ABCG2: variants seen among roughly 807,000 people sequenced by gnomAD.
ABCG2 encodes the protein broad substrate specificity ATP-binding cassette transporter ABCG2.
In ABCG2, 80 loss-of-function variants were observed where a neutral mutation model predicts 73.5. The ratio of observed to expected loss-of-function variants is 1.09; its 90% CI spans 0.91 to 1.31. The LOEUF is 1.31. Among genes scored for constraint, ABCG2 ranks in the 50% most tolerant of loss-of-function variants. ABCG2 has a pLI of 0.00. For synonymous variants in ABCG2, 269 were observed against 282.4 expected, an observed-to-expected ratio of 0.95 and a Z score of 0.48; for missense variants, 796 against 786.2, an observed-to-expected ratio of 1.01 and a Z score of -0.15.
At chr4:88,182,883 A>G (rs1348599900) in intron 1 of ABCG2, among the ~76,000 whole-genome samples, 2 of 152,014 alleles carry the variant, frequency 1.3e-5, no homozygotes, top group Admixed American at 6.6e-5. Flanking sequence ...CAGGAGATTG[A>G]GATCATCCTG....
intron 5 of ABCG2, 105 bp from the exon 6 acceptor site, chr4:88,121,897 T>TG: frequency 8.9e-7 from 1 of 1,128,664 alleles, no homozygotes; most frequent in Non-Finnish European, 1.3e-6. Flanking sequence ...TCTCATTAAG[T>TG]TCATTTATTC....
chr4:88,212,376 T>C (rs1046760105), intron 1 of ABCG2, among the ~76,000 whole-genome samples: 46 of 152,152 alleles, frequency 3.0e-4, no homozygotes, highest in African/African-American at 1.1e-3. Context: ...TTGTAGCCCC[T>C]GGTACTGTCA....
intron 13 of ABCG2, 108 bp downstream of exon 13, chr4:88,097,345 C>T (rs1722052962): frequency 7.9e-7 from 1 of 1,260,202 alleles, no homozygotes; most frequent in East Asian, 2.5e-5. Context: ...TAAAGCAGAG[C>T]CCCATTTACA....
At chr4:88,217,387 G>A (rs1305521052) in intron 1 of ABCG2, among the ~76,000 whole-genome samples, 6 of 152,098 alleles carry the variant, frequency 3.9e-5, no homozygotes, top group Non-Finnish European at 7.4e-5. Flanking sequence ...GAGGCCAGGC[G>A]CGGTGGCTCA....
intron 1 of ABCG2, among the ~76,000 whole-genome samples, chr4:88,166,165 T>C (rs113161763): frequency 9.3e-4 from 142 of 152,298 alleles, no homozygotes; most frequent in African/African-American, 3.2e-3. Context: ...CTTATTTGAC[T>C]AAAGCCAGAG....
chr4:88,140,238 C>T (rs951173834), intron 1 of ABCG2, among the ~76,000 whole-genome samples: 1 of 152,082 alleles, frequency 6.6e-6, no homozygotes, highest in Admixed American at 6.6e-5. Flanking sequence ...TCAAATACAT[C>T]CCTAATAAGT....
At chr4:88,132,447 C>T in intron 3 of ABCG2, 129 bp downstream of exon 3, 1 of 918,360 alleles carries the variant, frequency 1.1e-6, no homozygotes, top group Non-Finnish European at 1.7e-6. Flanking sequence ...TTATCCACAG[C>T]ACCTAGAACC....
chr4:88,106,511 C>T (rs1245878365), intron 10 of ABCG2, among the ~76,000 whole-genome samples: 1 of 152,122 alleles, frequency 6.6e-6, no homozygotes, highest in East Asian at 1.9e-4. Context: ...GAGTCAGTTA[C>T]CAAAGAATAT....
intron 14 of ABCG2, 67 bp downstream of exon 14, chr4:88,095,453 A>AGGACAC: frequency 7.2e-7 from 1 of 1,384,308 alleles, no homozygotes. Context: ...AAATGAGATG[A>AGGACAC]GGACACTTGA....
chr4:88,196,815 C>A (rs150083533), intron 1 of ABCG2, among the ~76,000 whole-genome samples: 5 of 151,456 alleles, frequency 3.3e-5, no homozygotes, highest in South Asian at 2.1e-4. Flanking sequence ...CCTTTAGCAT[C>A]GGACTGCGCA....
At chr4:88,152,104 A>G (rs1390575825) in intron 1 of ABCG2, among the ~76,000 whole-genome samples, 1 of 152,224 alleles carries the variant, frequency 6.6e-6, no homozygotes, top group Non-Finnish European at 1.5e-5. Flanking sequence ...TACTCAGCTA[A>G]TAAAATGATC....
At chr4:88,095,721 ACT>A (rs1420380222) in intron 13 of ABCG2, 112 bp from the exon 14 acceptor site, 28 of 824,016 alleles carry the variant, frequency 3.4e-5, no homozygotes, top group African/African-American at 5.1e-5. Context: ...TTTAAAACCA[ACT>A]CTTTCTTGAA....
intron 1 of ABCG2, among the ~76,000 whole-genome samples, chr4:88,152,790 T>C (rs1178609663): frequency 3.3e-5 from 5 of 151,838 alleles, no homozygotes; most frequent in Admixed American, 6.6e-5. Flanking sequence ...GTTGGGGTGG[T>C]GAAAATTTTT....
At position 88,215,036 on chromosome 4, in the gene ABCG2, G is replaced by A. The variant is rs112027538; in HGVS notation, c.-20+15958C>T. ...GAGCCCAGGACGTTGAGGTTTCAGT[G>A]AGCCATAATTATGTCACTGCACTCC... On this transcript the variant is annotated intron_variant, in intron 1 of 15. Coordinates refer to the ABCG2 transcript ENST00000515655. 1.9e-3 allele frequency among the ~76,000 whole-genome samples: 288 copies of A among 152,232 alleles called. 1 individual carries two copies. The highest frequency in any genetic ancestry group is 6.5e-3 in the African/African-American group (268 of 41,540).
upstream of ABCG2, among the ~76,000 whole-genome samples, chr4:88,161,794 TAA>T (rs1356146842): frequency 1.0e-5 from 1 of 96,012 alleles, no homozygotes; most frequent in Non-Finnish European, 2.0e-5. Context: ...ACCAACAGTG[TAA>T]AAGTGTTCCT....
At chr4:88,143,396 T>G (rs1725771389) in intron 1 of ABCG2, among the ~76,000 whole-genome samples, 1 of 152,202 alleles carries the variant, frequency 6.6e-6, no homozygotes, top group Non-Finnish European at 1.5e-5. Context: ...AAAAGACTTC[T>G]TAAGAGTATC....
chr4:88,110,591 C>G (rs908365777), intron 9 of ABCG2, among the ~76,000 whole-genome samples: 9 of 152,148 alleles, frequency 5.9e-5, no homozygotes, highest in Non-Finnish European at 1.2e-4. Flanking sequence ...TTCTCACACT[C>G]TTGGCCTCAA....
At chr4:88,116,078 C>T (rs2110012964) in intron 7 of ABCG2, among the ~76,000 whole-genome samples, 1 of 152,216 alleles carries the variant, frequency 6.6e-6, no homozygotes, top group South Asian at 2.1e-4. Flanking sequence ...GACTATAATC[C>T]CAGCTACTAA....
intron 13 of ABCG2, 65 bp downstream of exon 13, chr4:88,097,388 A>G: frequency 1.3e-6 from 2 of 1,573,002 alleles, no homozygotes; most frequent in Non-Finnish European, 1.7e-6. Flanking sequence ...ATGACAAGTG[A>G]ATGTGCAGGA....
Sources: allele counts gnomAD v4.1 joint callset (sites outside exome capture counted in the v4.1 genomes callset), GRCh38; gene constraint gnomAD v4.1.1; transcripts MANE v1.5; gene names NCBI Gene and HGNC (gene_info 2026-07-23, HGNC 2026-07-21).